SORCS2: variants seen among roughly 807,000 people sequenced by gnomAD.
The protein encoded by SORCS2 is sortilin related VPS10 domain containing receptor 2.
In SORCS2, 100 loss-of-function variants were observed where a neutral mutation model predicts 141.6. The ratio of observed to expected loss-of-function variants is 0.71; its 90% CI spans 0.60 to 0.83. SORCS2 has a LOEUF of 0.83. Ranked by LOEUF, SORCS2 falls within the 40% of genes least tolerant of loss-of-function variation. The pLI is 0.00. For missense variants in SORCS2, 1,646 were observed against 1,560.2 expected (o/e 1.05, Z -0.93); for synonymous variants, 789 against 676.9 (o/e 1.17, Z -2.57).
At chr4:7,483,689 TATTCC>T (rs1199093954) in intron 2 of SORCS2, among the ~76,000 whole-genome samples, 1 of 150,896 alleles carries the variant, frequency 6.6e-6, no homozygotes, top group African/African-American at 2.4e-5. Flanking sequence ...TGGGAGGGAG[TATTCC>T]TGTGTTTCCG....
chr4:7,731,647 G>C (rs1711696582), intron 23 of SORCS2, among the ~76,000 whole-genome samples: 2 of 152,160 alleles, frequency 1.3e-5, no homozygotes, highest in Admixed American at 1.3e-4. Flanking sequence ...ATAGAGCCCA[G>C]AAATAAATCC....
At chr4:7,655,871 G>A (rs1721740375) in intron 5 of SORCS2, among the ~76,000 whole-genome samples, 1 of 151,770 alleles carries the variant, frequency 6.6e-6, no homozygotes, top group Non-Finnish European at 1.5e-5. Flanking sequence ...TCTCCAGCCA[G>A]AGAAAGAAAC....
chr4:7,519,592 G>T (rs1308729589), intron 2 of SORCS2, among the ~76,000 whole-genome samples: 1 of 152,174 alleles, frequency 6.6e-6, no homozygotes, highest in African/African-American at 2.4e-5. Context: ...TCACCTTCCA[G>T]CGCTGCTGCC....
intron 1 of SORCS2, among the ~76,000 whole-genome samples, chr4:7,261,047 C>T (rs542824521): frequency 1.3e-5 from 2 of 152,332 alleles, no homozygotes; most frequent in South Asian, 4.2e-4. Flanking sequence ...GAAAAGCCAT[C>T]TCAGAGAATT....
chr4:7,689,502 A>G lies in SORCS2; in HGVS notation c.1505A>G (p.His502Arg). The G allele has an allele frequency of 6.2e-7, 1 of 1,601,588 alleles. No individual in the cohort carries two copies. Among genetic ancestry groups the G allele is most frequent in the Non-Finnish European group, 8.5e-7 (1 of 1,174,662 alleles). ...TCCTTGCAGCCAGACTGCCACCTGC[A>G]CCTGCACCTGCGCTGGGCAGACAAC... ...TNCKPPDCHL[H>R]LHLRWADNPY... The change falls in exon 11 of 27, where the codon CAC becomes CGC. Residue 502 changes from histidine (H) to arginine (R), a missense_variant. Physicochemically the swap from His to Arg is conservative, Grantham distance 29 (BLOSUM62 0). Transcript: ENST00000507866.
At chr4:7,644,882 C>T (rs1720972781) in intron 4 of SORCS2, among the ~76,000 whole-genome samples, 1 of 152,246 alleles carries the variant, frequency 6.6e-6, no homozygotes, top group East Asian at 1.9e-4. Context: ...GCTGCAGTAA[C>T]TGGGCTGTCC....
intron 1 of SORCS2, among the ~76,000 whole-genome samples, chr4:7,374,127 C>CTTT (rs1722461018): frequency 2.5e-4 from 4 of 15,764 alleles, no homozygotes; most frequent in Non-Finnish European, 5.3e-4. Flanking sequence ...TTCTTTCTTT[C>CTTT]CCTCTTTCTT....
intron 13 of SORCS2, among the ~76,000 whole-genome samples, chr4:7,703,764 C>T (rs1022275040): frequency 2.0e-5 from 3 of 152,164 alleles, no homozygotes; most frequent in African/African-American, 4.8e-5. Context: ...GGAGGGCAGG[C>T]GTGAACTCGG....
chr4:7,489,319 A>G (rs1438660405), intron 2 of SORCS2, among the ~76,000 whole-genome samples: 1 of 152,154 alleles, frequency 6.6e-6, no homozygotes, highest in Non-Finnish European at 1.5e-5. Context: ...AGCACCCTAA[A>G]CCCACTTCCT....
intron 2 of SORCS2, among the ~76,000 whole-genome samples, chr4:7,455,009 T>G: frequency 8.1e-6 from 1 of 123,326 alleles, no homozygotes; most frequent in African/African-American, 3.0e-5. Flanking sequence ...TGCGCCACGT[T>G]AGGGTCAGGC....
intron 1 of SORCS2, among the ~76,000 whole-genome samples, chr4:7,281,231 G>A (rs1159525662): frequency 6.6e-6 from 1 of 152,010 alleles, no homozygotes; most frequent in Non-Finnish European, 1.5e-5. Flanking sequence ...TGCCACAGCC[G>A]TGTTCTTGAG....
intron 2 of SORCS2, among the ~76,000 whole-genome samples, chr4:7,454,082 T>G (rs1320827656): frequency 1.2e-5 from 1 of 84,142 alleles, no homozygotes; most frequent in Non-Finnish European, 2.3e-5. Flanking sequence ...TGGGGTCAGG[T>G]GCTGTGTGTT....
intron 2 of SORCS2, among the ~76,000 whole-genome samples, chr4:7,511,831 T>C (rs923180591): frequency 6.6e-6 from 1 of 152,168 alleles, no homozygotes; most frequent in Non-Finnish European, 1.5e-5. Flanking sequence ...AGCTTTGGCC[T>C]GGCCTGTTTC....
chr4:7,403,123 A>T (rs79734485), intron 2 of SORCS2, among the ~76,000 whole-genome samples: 3,795 of 152,234 alleles, frequency 0.025, 156 homozygotes, highest in African/African-American at 0.085. Context: ...AGCAATTCTG[A>T]TGGATGGTGT....
chr4:7,427,682 C>T (rs1272353264), intron 2 of SORCS2, among the ~76,000 whole-genome samples: 1 of 152,114 alleles, frequency 6.6e-6, no homozygotes, highest in African/African-American at 2.4e-5. Flanking sequence ...AGCTTCCAGT[C>T]ATGATGGGAG....
chr4:7,623,053 G>T (rs1719306225), intron 3 of SORCS2, among the ~76,000 whole-genome samples: 1 of 151,978 alleles, frequency 6.6e-6, no homozygotes, highest in Non-Finnish European at 1.5e-5. Flanking sequence ...ACAGAAGACG[G>T]TGCTACCTCC....
At chr4:7,264,297 C>T (rs1429675628) in intron 1 of SORCS2, among the ~76,000 whole-genome samples, 1 of 152,222 alleles carries the variant, frequency 6.6e-6, no homozygotes, top group Non-Finnish European at 1.5e-5. Flanking sequence ...TCCCGCACCT[C>T]CCTCAGCACC....
At chr4:7,512,575 A>G (rs946135678) in intron 2 of SORCS2, among the ~76,000 whole-genome samples, 1 of 151,892 alleles carries the variant, frequency 6.6e-6, no homozygotes, top group Non-Finnish European at 1.5e-5. Flanking sequence ...CCCTCCCCCA[A>G]CCTCAGGCCC....
intron 6 of SORCS2, among the ~76,000 whole-genome samples, chr4:7,662,166 G>T (rs1438872063): frequency 6.6e-6 from 1 of 152,120 alleles, no homozygotes; most frequent in Non-Finnish European, 1.5e-5. Context: ...CTCAACGCGG[G>T]GTCATCATGG....
Sources: gnomAD v4.1 joint callset for allele counts (sites outside exome capture counted in the v4.1 genomes callset) on GRCh38, gnomAD v4.1.1 for gene constraint, MANE v1.5 for transcripts, NCBI Gene and HGNC (gene_info 2026-07-23, HGNC 2026-07-21) for gene names.